The following COL4A3 variants were observed in gnomAD, a reference collection of about 807,000 sequenced individuals.
COL4A3 encodes collagen alpha-3(IV) chain.
In COL4A3, 135 loss-of-function variants were observed where a neutral mutation model predicts 217.4. The ratio of observed to expected loss-of-function variants is 0.62; its 90% CI spans 0.54 to 0.72. The LOEUF (loss-of-function observed/expected upper bound fraction) is 0.72. COL4A3 is among the 30% of genes least tolerant of loss of function. COL4A3 has a pLI of 0.00. For synonymous variants in COL4A3, 690 were observed against 736.3 expected (o/e 0.94, Z 1.02); for missense variants, 1,868 against 2,119.9 (o/e 0.88, Z 2.33).
chr2:227,310,998 T>G (rs537272948), intron 51 of COL4A3, 50 bp downstream of exon 51: 2 of 1,603,768 alleles, frequency 1.2e-6, no homozygotes, highest in Admixed American at 1.7e-5. Context: ...GCAGAACTAT[T>G]CAAAGGTTGC....
chr2:227,222,807 C>T (rs903981101), intron 1 of COL4A3, among the ~76,000 whole-genome samples: 25 of 152,222 alleles, frequency 1.6e-4, no homozygotes, highest in African/African-American at 5.5e-4. Flanking sequence ...AGGGTCTCAG[C>T]GGGCAGGAAT....
chr2:227,195,683 GTGTGTGTGTGTGTA>G (rs1230191098), intron 1 of COL4A3, among the ~76,000 whole-genome samples: 3 of 150,772 alleles, frequency 2.0e-5, no homozygotes, highest in African/African-American at 4.9e-5. Context: ...GTGTGTGTGT[GTGTGTGTGTGTGTA>G]TGTGTGTGTG....
intron 38 of COL4A3, chr2:227,293,853 G>C (rs1353562369): frequency 6.6e-6 from 3 of 457,974 alleles, no homozygotes; most frequent in Non-Finnish European, 1.4e-5. Flanking sequence ...CCAAGTGTCT[G>C]AATCTTCTTT....
intron 1 of COL4A3, among the ~76,000 whole-genome samples, chr2:227,209,637 C>T (rs745877735): frequency 6.6e-6 from 1 of 152,022 alleles, no homozygotes; most frequent in African/African-American, 2.4e-5. Flanking sequence ...ATCAGGAGTT[C>T]GAGACCAGCC....
At chr2:227,307,109 A>C (rs1383685767) in intron 47 of COL4A3, among the ~76,000 whole-genome samples, 1 of 152,174 alleles carries the variant, frequency 6.6e-6, no homozygotes, top group African/African-American at 2.4e-5. Flanking sequence ...AAATGTACAG[A>C]AACGATTTAC....
Position 227,280,491 on chromosome 2 carries a change from G to C in COL4A3, c.2275G>C (p.Gly759Arg), listed in dbSNP as rs2071886531. The change falls in exon 30 of 52, where the codon GGA (glycine) becomes CGA (arginine). Residue 759 changes from glycine (G) to arginine (R), a missense_variant. Coordinates refer to ENST00000396578, the MANE Select transcript of COL4A3 (RefSeq NM_000091.5). ...AGGACCAGGAACACCAGGTTTTCCA[G>C]GAGAAAGAGGCAATTCTGGGGAACA... Reference protein sequence around the residue: ...PGGPGTPGFPGERGNSGEHGE... With the variant: ...PGGPGTPGFPRERGNSGEHGE... The C allele has an allele frequency of 1.2e-6, 2 of 1,614,156 alleles. No individual in the cohort carries two copies. Among genetic ancestry groups the C allele is most frequent in the Middle Eastern group, 1.7e-4 (1 of 6,060 alleles).
chr2:227,217,075 C>T (rs1350973096), intron 1 of COL4A3, among the ~76,000 whole-genome samples: 4 of 152,184 alleles, frequency 2.6e-5, no homozygotes, highest in Non-Finnish European at 5.9e-5. Flanking sequence ...ACTCACAGCT[C>T]CACATGGCTG....
At chr2:227,230,316 G>A (rs1421850061) in intron 1 of COL4A3, among the ~76,000 whole-genome samples, 2 of 152,168 alleles carry the variant, frequency 1.3e-5, no homozygotes, top group African/African-American at 4.8e-5. Context: ...AAAACATCAT[G>A]TAATCTCGGG....
intron 1 of COL4A3, among the ~76,000 whole-genome samples, chr2:227,172,850 G>A (rs2065541003): frequency 6.6e-6 from 1 of 152,070 alleles, no homozygotes; most frequent in Admixed American, 6.6e-5. Flanking sequence ...GCCTCCCAAA[G>A]GGCTGGGATT....
At chr2:227,296,883 C>T (rs981255317) in intron 41 of COL4A3, among the ~76,000 whole-genome samples, 3 of 152,182 alleles carry the variant, frequency 2.0e-5, no homozygotes, top group Non-Finnish European at 4.4e-5. Context: ...TTCTGCACAT[C>T]TATCTTCCGT....
At chr2:227,216,391 A>C (rs2067529614) in intron 1 of COL4A3, among the ~76,000 whole-genome samples, 1 of 152,202 alleles carries the variant, frequency 6.6e-6, no homozygotes, top group African/African-American at 2.4e-5. Flanking sequence ...TACTACAAAG[A>C]TTCTGCACTT....
intron 11 of COL4A3, 36 bp downstream of exon 11, chr2:227,251,407 A>T: frequency 6.2e-7 from 1 of 1,603,328 alleles, no homozygotes; most frequent in Non-Finnish European, 8.5e-7. Context: ...CAGCTAGCAC[A>T]CCCTACTCAA....
chr2:227,181,923 C>A (rs1397729487), intron 1 of COL4A3, among the ~76,000 whole-genome samples: 2 of 151,902 alleles, frequency 1.3e-5, no homozygotes, highest in East Asian at 3.9e-4. Context: ...TACTAATGAG[C>A]AAAAACATAA....
At position 227,250,338 on chromosome 2, in the gene COL4A3, TGATAGATAGATAGATAGATAGATA is replaced by T. The variant is rs59489597; in HGVS notation, c.547-777_547-754del. On this transcript the variant is annotated intron_variant, in intron 9 of 51. Transcript: ENST00000396578. This position sits in a 1 kb window ranked among gnomAD's most constrained non-coding sequence, Gnocchi z 4.1. Reference sequence around the variant, plus strand: ...AAAAAATAGGTAGATAGATAAAAGATGATAGATAGATAGATAGATAGATAGATAGATAGATAGATAGATAGATAT... The same window carrying T: ...AAAAAATAGGTAGATAGATAAAAGATGATAGATAGATAGATAGATAGATAT... 2.7e-5 allele frequency among the ~76,000 whole-genome samples: 4 copies of T among 146,610 alleles called. No homozygotes were observed. The highest frequency in any genetic ancestry group is 5.1e-5 in the African/African-American group (2 of 39,284).
intron 1 of COL4A3, among the ~76,000 whole-genome samples, chr2:227,219,867 G>A (rs1218655703): frequency 6.6e-6 from 1 of 152,042 alleles, no homozygotes; most frequent in African/African-American, 2.4e-5. Context: ...AGCATCTTCT[G>A]TTTGCATTTG....
At chr2:227,246,911 G>C (rs951692358) in intron 7 of COL4A3, 173 bp downstream of exon 7, 1 of 732,672 alleles carries the variant, frequency 1.4e-6, no homozygotes, top group Admixed American at 1.9e-5. Context: ...ATGAGTGTAG[G>C]ATTAGAGGTT....
intron 2 of COL4A3, among the ~76,000 whole-genome samples, chr2:227,239,245 TAA>T (rs11331207): frequency 1.3e-5 from 2 of 151,856 alleles, no homozygotes; most frequent in Middle Eastern, 3.4e-3. Flanking sequence ...ATAATACAAA[TAA>T]AAAAATGCAG....
chr2:227,291,242 A>C (rs2072683443), intron 37 of COL4A3, among the ~76,000 whole-genome samples: 1 of 152,208 alleles, frequency 6.6e-6, no homozygotes, highest in Non-Finnish European at 1.5e-5. Context: ...TCAGACTTAT[A>C]AAAATAAATT....
intron 43 of COL4A3, among the ~76,000 whole-genome samples, chr2:227,302,732 C>A (rs1483945917): frequency 7.1e-6 from 1 of 139,898 alleles, no homozygotes; most frequent in Non-Finnish European, 1.5e-5. Flanking sequence ...TGGGCTACTC[C>A]ATTTAGGACA....
Sources: gnomAD v4.1 joint callset for allele counts (sites outside exome capture counted in the v4.1 genomes callset) on GRCh38, gnomAD v4.1.1 for gene constraint, Gnocchi (gnomAD v3.1) non-coding constraint, MANE v1.5 for transcripts, NCBI Gene and HGNC (gene_info 2026-07-23, HGNC 2026-07-21) for gene names.